Variants in LIPA observed in about 807,000 individuals in gnomAD.
The protein encoded by LIPA is lipase A, lysosomal acid type.
In LIPA, 26 loss-of-function variants were observed where a neutral mutation model predicts 40.6. The ratio of observed to expected loss-of-function variants is 0.64; its 90% CI spans 0.47 to 0.89. LIPA has a LOEUF of 0.89. Among genes scored for constraint, LIPA ranks in the 40% least tolerant of loss-of-function variants. The probability of loss-of-function intolerance (pLI) is 0.00; values close to 1 mark genes in which losing one functional copy is unlikely to be tolerated. For synonymous variants in LIPA, 188 were observed against 168.4 expected, an observed-to-expected ratio of 1.12 and a Z score of -0.90; for missense variants, 455 against 479.6, an observed-to-expected ratio of 0.95 and a Z score of 0.48.
intron 2 of LIPA, chr10:89,362,722 C>T (rs1844030985): frequency 5.5e-6 from 4 of 727,986 alleles, no homozygotes; most frequent in Non-Finnish European, 8.6e-6. Context: ...ATGGAGTGTC[C>T]TGAGATGAAC....
Position 89,368,195 on chromosome 10 carries a change from G to C in LIPA, c.61+44596C>G, listed in dbSNP as rs139895899. On this transcript the variant is annotated intron_variant, in intron 2 of 8. Transcript: ENST00000371837. The stretch of plus-strand genomic sequence containing the variant: ...GGGCACACGACCTGGAGGAAAGGAG[G>C]GAAGAATGAAAATAGTGTGGTGAAC... Among the ~76,000 whole-genome samples, 824 of 152,262 alleles carry C rather than the reference G, an allele frequency of 5.4e-3. 7 individuals carry two copies. The highest frequency in any genetic ancestry group is 0.013 in the South Asian group (64 of 4,812).
In LIPA at chr10:89,329,719, T is replaced by A. The variant is rs146209914; in HGVS notation, c.-2+12892A>T. Among the ~76,000 whole-genome samples, 71 of 152,324 alleles carry A rather than the reference T, an allele frequency of 4.7e-4. 1 individual carries two copies. In the East Asian group the frequency reaches 0.011, roughly 23 times the overall value. The stretch of plus-strand genomic sequence containing the variant: ...TAAAATTATAACACAAATATATTAG[T>A]ACCAGCAATCATGGTGGTAACATTT... On this transcript the variant is annotated intron_variant, in intron 1 of 5. Coordinates refer to the LIPA transcript ENST00000282673.
At chr10:89,361,342 GC>G (rs1447419096) in intron 2 of LIPA, among the ~76,000 whole-genome samples, 1 of 152,160 alleles carries the variant, frequency 6.6e-6, no homozygotes, top group African/African-American at 2.4e-5. Context: ...AAGTCACTTT[GC>G]CCACCGTCTT....
chr10:89,373,502 T>C (rs1047123872), intron 2 of LIPA, among the ~76,000 whole-genome samples: 8 of 152,072 alleles, frequency 5.3e-5, no homozygotes, highest in Non-Finnish European at 1.5e-5. Context: ...GTGGACATGA[T>C]TGGTGCAAGT....
intron 2 of LIPA, among the ~76,000 whole-genome samples, chr10:89,386,578 G>A (rs1372093340): frequency 1.3e-5 from 2 of 152,150 alleles, no homozygotes; most frequent in Non-Finnish European, 2.9e-5. Flanking sequence ...TAATCTAAAT[G>A]AGACATCTGA....
In LIPA at chr10:89,215,975, C is replaced by CA; in HGVS notation, c.928dup (p.Trp310LeufsTer58). 1 of 1,612,492 alleles carries CA rather than the reference C, an allele frequency of 6.2e-7. No homozygotes were observed. The highest frequency in any genetic ancestry group is 8.5e-7 in the Non-Finnish European group (1 of 1,178,520). The stretch of plus-strand genomic sequence containing the variant: ...AAAATAATTCTTGGCACTGCTTCCC[C>CA]AGTCAAAGGCTTGAAACTTTTGGAA... On this transcript the variant is annotated frameshift_variant, in exon 9 of 10. Transcript: ENST00000336233. LOFTEE classifies it low-confidence loss of function (END_TRUNC).
chr10:89,403,645 T>A, intron 2 of LIPA: 1 of 1,613,840 alleles, frequency 6.2e-7, no homozygotes, highest in Non-Finnish European at 8.5e-7. Context: ...AATGAAGCCC[T>A]GGAGTACTAT....
At position 89,311,603 on chromosome 10, in the gene LIPA, C is replaced by A. The variant is rs147982763; in HGVS notation, c.-2+31008G>T. ...AGTGAAACACCTACATAAGTTGGAGCTTTAAAACATATGTATAAAACTTTG... is the reference window on the plus strand; with the variant it reads ...AGTGAAACACCTACATAAGTTGGAGATTTAAAACATATGTATAAAACTTTG... On this transcript the variant is annotated intron_variant, in intron 1 of 5. Transcript: ENST00000282673. Among the ~76,000 whole-genome samples, 231 of 150,940 alleles carry A rather than the reference C, an allele frequency of 1.5e-3. 2 individuals are homozygous for A. Among genetic ancestry groups the A allele is most frequent in the African/African-American group, 5.1e-3 (210 of 41,012 alleles).
intron 2 of LIPA, chr10:89,392,399 A>T (rs936187533): frequency 5.8e-6 from 2 of 346,668 alleles, no homozygotes; most frequent in African/African-American, 4.1e-5. Flanking sequence ...GGGTTTCTGC[A>T]GCACTAGAAA....
intron 2 of LIPA, among the ~76,000 whole-genome samples, chr10:89,391,377 CT>C (rs201560772): frequency 3.3e-5 from 5 of 150,150 alleles, no homozygotes; most frequent in South Asian, 2.1e-4. Flanking sequence ...CCACACCCAG[CT>C]TTTTTTTTCA....
chr10:89,393,039 G>T, intron 2 of LIPA: 1 of 875,346 alleles, frequency 1.1e-6, no homozygotes, highest in South Asian at 1.7e-5. Context: ...TTTCCCATCA[G>T]ATTCACTTCT....
intron 1 of LIPA, among the ~76,000 whole-genome samples, chr10:89,269,507 C>T: frequency 6.6e-6 from 1 of 151,966 alleles, no homozygotes; most frequent in Non-Finnish European, 1.5e-5. Flanking sequence ...CAACATTGTG[C>T]AAAGGCTTCA....
intron 5 of LIPA, among the ~76,000 whole-genome samples, chr10:89,225,922 G>A (rs571916690): frequency 3.4e-4 from 52 of 152,236 alleles, no homozygotes; most frequent in Admixed American, 2.6e-3. Context: ...CATGTAAGAT[G>A]TTCCTTGCTC....
chr10:89,349,242 G>C (rs1843943528), intron 2 of LIPA, among the ~76,000 whole-genome samples: 1 of 152,096 alleles, frequency 6.6e-6, no homozygotes, highest in South Asian at 2.1e-4. Flanking sequence ...TTCGTCACAG[G>C]CTGTCACATA....
intron 8 of LIPA, among the ~76,000 whole-genome samples, chr10:89,218,676 G>C (rs1341883141): frequency 6.6e-6 from 1 of 152,170 alleles, no homozygotes; most frequent in Non-Finnish European, 1.5e-5. Context: ...AGGTGACCGG[G>C]CTGCAACCAG....
At chr10:89,401,001 C>T (rs1449288415) in intron 2 of LIPA, among the ~76,000 whole-genome samples, 1 of 151,684 alleles carries the variant, frequency 6.6e-6, no homozygotes, top group Non-Finnish European at 1.5e-5. Flanking sequence ...AATGCTTTTC[C>T]TGCATCAATT....
intron 1 of LIPA, chr10:89,339,162 C>G (rs772960365): frequency 6.2e-7 from 1 of 1,614,116 alleles, no homozygotes; most frequent in South Asian, 1.1e-5. Flanking sequence ...AGCCCAACAA[C>G]CCAGAATTCT....
intron 7 of LIPA, 128 bp from the exon 8 acceptor site, chr10:89,222,710 G>T (rs1842716343): frequency 5.6e-6 from 4 of 709,818 alleles, no homozygotes; most frequent in Non-Finnish European, 1.0e-5. Flanking sequence ...GAGATGAGAG[G>T]TAGAAAAAAA....
chr10:89,255,064 C>T (rs1843174049), upstream of LIPA, among the ~76,000 whole-genome samples: 1 of 152,226 alleles, frequency 6.6e-6, no homozygotes, highest in African/African-American at 2.4e-5. Context: ...GCCCTCCAAA[C>T]TGTTCCAACC....
Sources: gnomAD v4.1 joint callset for allele counts (sites outside exome capture counted in the v4.1 genomes callset) on GRCh38, gnomAD v4.1.1 for gene constraint, MANE v1.5 for transcripts, NCBI Gene and HGNC (gene_info 2026-07-23, HGNC 2026-07-21) for gene names.